Variants in HUNK observed in about 807,000 individuals in gnomAD.
HUNK encodes hormonally up-regulated Neu-associated kinase, also known as hormonally up-regulated neu tumor-associated kinase.
HUNK carries 21 observed loss-of-function variants against 61.0 expected under a neutral mutation model. That is an observed-to-expected ratio of 0.34 (90% CI 0.24 to 0.50). The LOEUF (loss-of-function observed/expected upper bound fraction) is 0.50. Ranked by LOEUF, HUNK falls within the 20% of genes least tolerant of loss-of-function variation. The pLI is 0.98. For missense variants in HUNK, 772 were observed against 945.7 expected (o/e 0.82, Z 2.41); for synonymous variants, 371 against 386.1 (o/e 0.96, Z 0.46).
rs1342192571 is a variant in HUNK, at chr21:31,957,400, T to C, written c.747-1443T>C. Among the ~76,000 whole-genome samples the C allele has an allele frequency of 2.0e-5, 3 of 152,196 alleles. No individual in the cohort carries two copies. In the East Asian group the frequency reaches 5.8e-4, roughly 29 times the overall value. ...TGTGAGTGGGAACCAGGTCTTACTATATGTCTGAAATTTGCGAATGATTTC... is the reference window on the plus strand; with the variant it reads ...TGTGAGTGGGAACCAGGTCTTACTACATGTCTGAAATTTGCGAATGATTTC... On this transcript the variant is annotated intron_variant, in intron 4 of 10. Coordinates refer to ENST00000270112, the MANE Select transcript of HUNK (RefSeq NM_014586.2).
At chr21:31,988,539 A>T (rs1161887016) in intron 8 of HUNK, among the ~76,000 whole-genome samples, 1 of 152,030 alleles carries the variant, frequency 6.6e-6, no homozygotes, top group Non-Finnish European at 1.5e-5. Flanking sequence ...TTCAGGGCTT[A>T]CGGATGCATC....
At chr21:31,981,370 T>A (rs2053096235) in intron 7 of HUNK, among the ~76,000 whole-genome samples, 2 of 25,812 alleles carry the variant, frequency 7.7e-5, no homozygotes, top group South Asian at 1.5e-3. Flanking sequence ...AATGTTAGGA[T>A]TTTTTTTTTT....
In HUNK at chr21:32,000,081, A is replaced by G; in HGVS notation, c.*897A>G. On this transcript the variant is annotated 3_prime_UTR_variant, in exon 11 of 11. Transcript: ENST00000270112. ...TGGCCCTGTGTTCATCCTGTTGTTT[A>G]AGGCATAGCCCTGATCCTTCTGGAA... 2.5e-6 allele frequency: 1 copy of G among 398,052 alleles called. No individual in the cohort carries two copies. The allele number at this position is 398,052 out of a possible 1,614,324, so 24.7% of individuals were successfully genotyped here. A position where few individuals can be genotyped will look rare whatever the true frequency, so the allele number is the denominator to read the frequency against.
At chr21:31,934,246 G>C (rs1371822445) in intron 2 of HUNK, among the ~76,000 whole-genome samples, 7 of 151,968 alleles carry the variant, frequency 4.6e-5, no homozygotes, top group African/African-American at 7.3e-5. Context: ...ACGAGGTCAG[G>C]AGATCGAGAC....
At chr21:31,937,882 C>T (rs915946950) in intron 2 of HUNK, among the ~76,000 whole-genome samples, 7 of 152,136 alleles carry the variant, frequency 4.6e-5, no homozygotes, top group South Asian at 2.1e-4. Flanking sequence ...TATTTGGACA[C>T]GTGATATCTT....
intron 3 of HUNK, among the ~76,000 whole-genome samples, chr21:31,940,943 C>T (rs919268354): frequency 2.0e-5 from 3 of 152,106 alleles, no homozygotes; most frequent in Non-Finnish European, 4.4e-5. Context: ...ACCTCAATGG[C>T]TTGAAAAGAC....
chr21:31,900,789 T>C lies in HUNK; in HGVS notation c.262-23679T>C, dbSNP rs553947547. On this transcript the variant is annotated intron_variant, in intron 1 of 10. Transcript: ENST00000270112. ...AGTGGTTGGGAAGAATTTCCCAGGG[T>C]AGTTTCAGTATGGATCAGATGCCTG... Among the ~76,000 whole-genome samples the C allele has an allele frequency of 3.3e-5, 5 of 152,322 alleles. No individual in the cohort carries two copies. The East Asian group carries it at 5.8e-4, about 18-fold the overall frequency.
intron 7 of HUNK, among the ~76,000 whole-genome samples, chr21:31,976,459 C>CTTTT (rs34950116): frequency 0.02 from 1,257 of 63,616 alleles, 71 homozygotes; most frequent in African/African-American, 0.043. Context: ...TTTTTTGAGA[C>CTTTT]TTTTTTTTTT....
intron 1 of HUNK, among the ~76,000 whole-genome samples, chr21:31,880,797 T>G (rs531801664): frequency 6.6e-6 from 1 of 152,240 alleles, no homozygotes; most frequent in South Asian, 2.1e-4. Context: ...AAGCGGATCT[T>G]GGGAAGGAGA....
chr21:31,931,581 T>G (rs2052696940), intron 2 of HUNK, among the ~76,000 whole-genome samples: 1 of 152,030 alleles, frequency 6.6e-6, no homozygotes, highest in Admixed American at 6.6e-5. Context: ...GCGGGTCCAT[T>G]AGAGAGAGCC....
At chr21:31,961,931 G>T (rs2052931890) in intron 5 of HUNK, among the ~76,000 whole-genome samples, 1 of 152,196 alleles carries the variant, frequency 6.6e-6, no homozygotes, top group Non-Finnish European at 1.5e-5. Flanking sequence ...CAGCCCCCAA[G>T]TCTTAGTGGC....
At chr21:31,907,473 C>G (rs866632021) in intron 1 of HUNK, among the ~76,000 whole-genome samples, 1 of 152,076 alleles carries the variant, frequency 6.6e-6, no homozygotes, top group African/African-American at 2.4e-5. Context: ...GTGGCTGAGG[C>G]GAGGATGTCT....
intron 5 of HUNK, among the ~76,000 whole-genome samples, chr21:31,964,461 T>A (rs2052949555): frequency 6.6e-6 from 1 of 151,968 alleles, no homozygotes; most frequent in Admixed American, 6.6e-5. Flanking sequence ...TGAAAGAAAG[T>A]GGGGTTTGCG....
chr21:31,883,616 A>G (rs1242987433), intron 1 of HUNK, among the ~76,000 whole-genome samples: 1 of 152,068 alleles, frequency 6.6e-6, no homozygotes, highest in African/African-American at 2.4e-5. Context: ...CCATTTGCAG[A>G]AGTTATTTCT....
intron 3 of HUNK, among the ~76,000 whole-genome samples, chr21:31,945,261 A>C (rs2052794144): frequency 6.6e-6 from 1 of 152,194 alleles, no homozygotes; most frequent in African/African-American, 2.4e-5. Flanking sequence ...AGTATCTTTA[A>C]GATCAAAAGA....
At chr21:31,935,052 T>C (rs1307399073) in intron 2 of HUNK, among the ~76,000 whole-genome samples, 1 of 152,160 alleles carries the variant, frequency 6.6e-6, no homozygotes, top group African/African-American at 2.4e-5. Context: ...TGTGTCCTCT[T>C]TGATCACTGT....
chr21:31,903,994 T>C (rs2052487893), intron 1 of HUNK, among the ~76,000 whole-genome samples: 2 of 152,164 alleles, frequency 1.3e-5, no homozygotes, highest in African/African-American at 2.4e-5. Context: ...ACTAAAGAAA[T>C]AGCCCACTTG....
chr21:31,994,726 A>G (rs1349704581), intron 9 of HUNK, among the ~76,000 whole-genome samples: 2 of 152,262 alleles, frequency 1.3e-5, no homozygotes, highest in Non-Finnish European at 2.9e-5. Context: ...ACATTTTAAT[A>G]ACTATTTATT....
intron 9 of HUNK, among the ~76,000 whole-genome samples, chr21:31,995,098 G>A (rs1050646255): frequency 6.9e-6 from 1 of 145,212 alleles, no homozygotes; most frequent in Non-Finnish European, 1.5e-5. Flanking sequence ...GCTCGAGGTT[G>A]CAGTGAGATA....
Sources: allele counts gnomAD v4.1 joint callset (sites outside exome capture counted in the v4.1 genomes callset), GRCh38; gene constraint gnomAD v4.1.1; transcripts MANE v1.5; gene names NCBI Gene and HGNC (gene_info 2026-07-23, HGNC 2026-07-21).